The following OTUB2 variants were observed in gnomAD, a reference collection of about 807,000 sequenced individuals.
OTUB2 encodes the protein ubiquitin thioesterase OTUB2.
OTUB2 carries 21 observed loss-of-function variants against 25.1 expected under a neutral mutation model. The observed-to-expected ratio is 0.84, with a 90% CI of 0.59 to 1.21. The LOEUF (loss-of-function observed/expected upper bound fraction) is 1.21. Among genes scored for constraint, OTUB2 ranks in the 50% most tolerant of loss-of-function variants. The pLI, the probability that OTUB2 is intolerant of heterozygous loss-of-function variation, is 0.00. For missense variants in OTUB2, 283 were observed against 298.0 expected (o/e 0.95, Z 0.37); for synonymous variants, 122 against 122.8 (o/e 0.99, Z 0.04).
At chr14:94,042,816 C>T (rs1885188852) in intron 3 of OTUB2, among the ~76,000 whole-genome samples, 1 of 152,188 alleles carries the variant, frequency 6.6e-6, no homozygotes, top group Non-Finnish European at 1.5e-5. Context: ...TCCGTTCGCC[C>T]TCAGCACCCC....
intron 1 of OTUB2, among the ~76,000 whole-genome samples, chr14:94,034,372 C>A (rs7161250): frequency 6.6e-6 from 1 of 152,058 alleles, no homozygotes; most frequent in African/African-American, 2.4e-5. Flanking sequence ...GATAAGAAGG[C>A]CCTAGGCTGC....
At chr14:94,036,554 C>T (rs189682187) in intron 1 of OTUB2, among the ~76,000 whole-genome samples, 15 of 152,230 alleles carry the variant, frequency 9.9e-5, no homozygotes, top group Non-Finnish European at 1.9e-4. Flanking sequence ...ACCAGGCCCA[C>T]GGGGAGTTGG....
intron 2 of OTUB2, among the ~76,000 whole-genome samples, chr14:94,038,412 G>A (rs1219195527): frequency 1.3e-5 from 2 of 152,194 alleles, no homozygotes; most frequent in Non-Finnish European, 2.9e-5. Context: ...GGCTATGGGG[G>A]GAACAGGAAC....
chr14:94,031,362 G>A (rs997539999), intron 1 of OTUB2, among the ~76,000 whole-genome samples: 2 of 152,170 alleles, frequency 1.3e-5, no homozygotes, highest in African/African-American at 4.8e-5. Context: ...AGTCCATAGT[G>A]CTGGGCCCAT....
chr14:94,042,659 G>A (rs970575990), intron 3 of OTUB2, among the ~76,000 whole-genome samples: 2 of 152,184 alleles, frequency 1.3e-5, no homozygotes, highest in African/African-American at 4.8e-5. Context: ...AGCCGCAGCT[G>A]AAGACTGAAC....
At position 94,037,476 on chromosome 14, in the gene OTUB2, G is replaced by A. The variant is rs1419658025; in HGVS notation, c.99+1G>A. ...CAGGATTTACCGGAGGAAAATCGAG[G>A]TGAGGCAGAGGGCAGGGAGAAGAGC... On this transcript the variant is annotated splice_donor_variant, in intron 2 of 5. Coordinates refer to ENST00000203664, the MANE Select transcript of OTUB2 (RefSeq NM_023112.4). LOFTEE classifies it high-confidence loss of function. 7.0e-6 allele frequency: 11 copies of A among 1,580,072 alleles called. No homozygotes were observed. Among genetic ancestry groups the A allele is most frequent in the Admixed American group, 6.7e-5 (4 of 59,742 alleles).
At chr14:94,037,284 T>A in intron 1 of OTUB2, 96 bp from the exon 2 acceptor site, 1 of 757,388 alleles carries the variant, frequency 1.3e-6, no homozygotes. Flanking sequence ...TCATTCATTG[T>A]TGTCTGTAAC....
At chr14:94,039,859 C>T (rs903819276) in intron 3 of OTUB2, among the ~76,000 whole-genome samples, 3 of 152,124 alleles carry the variant, frequency 2.0e-5, no homozygotes, top group African/African-American at 4.8e-5. Context: ...ATCTGAGACC[C>T]GCACCGACAT....
At chr14:94,035,286 CTTTTTTTTT>C (rs761154708) in intron 1 of OTUB2, among the ~76,000 whole-genome samples, 1 of 104,036 alleles carries the variant, frequency 9.6e-6, no homozygotes, top group Non-Finnish European at 1.9e-5. Context: ...TTTTTCTTTT[CTTTTTTTTT>C]TTTTTTTTTT....
Position 94,026,514 on chromosome 14 carries a change from C to A in OTUB2, c.-24C>A, listed in dbSNP as rs988825000. 2 of 1,285,688 alleles carry A rather than the reference C, an allele frequency of 1.6e-6. No homozygotes were observed. Among genetic ancestry groups the A allele is most frequent in the Middle Eastern group, 3.0e-4 (1 of 3,378 alleles). 79.6% of individuals were successfully genotyped at this position (1,285,688 alleles called of 1,614,324 possible). ...CGGATCGCTCCTCGCTGGGGCGGGA[C>A]CTGGCCTGGCGGCTCTGGTCACTAT... On this transcript the variant is annotated 5_prime_UTR_variant, in exon 1 of 6. Coordinates refer to ENST00000203664, the MANE Select transcript of OTUB2 (RefSeq NM_023112.4).
chr14:94,044,539 G>A, intron 4 of OTUB2, 47 bp from the exon 5 acceptor site: 1 of 1,568,290 alleles, frequency 6.4e-7, no homozygotes, highest in Middle Eastern at 1.7e-4. Context: ...GCAGAGGGAG[G>A]GCTGGGGCTT....
Position 94,037,426 on chromosome 14 carries a change from C to A in OTUB2, c.50C>A (p.Ser17Tyr). Residue 17 changes from serine to tyrosine, a missense_variant, in exon 2 of 6, where the codon TCC becomes TAC. Physicochemically the swap from Ser to Tyr is moderately radical, Grantham distance 144 (BLOSUM62 -2). Coordinates refer to ENST00000203664, the MANE Select transcript of OTUB2 (RefSeq NM_023112.4). Reference sequence around the variant, plus strand: ...ATATCAGAAAAATGTGACATTCTATCCATTCTTCGGGACCATCCTGAAAAC... The same window carrying A: ...ATATCAGAAAAATGTGACATTCTATACATTCTTCGGGACCATCCTGAAAAC... ...NLISEKCDILSILRDHPENRI... is the reference protein window; with the variant it reads ...NLISEKCDILYILRDHPENRI... 1 of 1,606,556 alleles carries A rather than the reference C, an allele frequency of 6.2e-7. No individual in the cohort carries two copies. The highest frequency in any genetic ancestry group is 1.1e-5 in the South Asian group (1 of 90,830).
intron 1 of OTUB2, among the ~76,000 whole-genome samples, chr14:94,032,272 G>A (rs1376325801): frequency 2.6e-5 from 4 of 152,158 alleles, no homozygotes; most frequent in Non-Finnish European, 5.9e-5. Context: ...GCCCACCTGC[G>A]AGACATTTGT....
At chr14:94,039,410 A>C (rs1885117188) in intron 3 of OTUB2, 3 of 311,046 alleles carry the variant, frequency 9.6e-6, no homozygotes, top group South Asian at 5.3e-5. Context: ...AAACAAAAAG[A>C]AGCTTTGCCC....
chr14:94,044,155 G>A, intron 4 of OTUB2, 100 bp downstream of exon 4: 1 of 1,227,720 alleles, frequency 8.1e-7, no homozygotes. Context: ...CTCCTGGCTG[G>A]GGAAGGACAG....
Position 94,026,416 on chromosome 14 carries a change from C to T in OTUB2, c.-122C>T, listed in dbSNP as rs1391943935. Reference sequence around the variant, plus strand: ...AGCGGTCGGGTGTATTCTCCGCCGCCCCCACGCCCTCGAGGTCCCCGCCAC... The same window carrying T: ...AGCGGTCGGGTGTATTCTCCGCCGCTCCCACGCCCTCGAGGTCCCCGCCAC... On this transcript the variant is annotated 5_prime_UTR_variant, in exon 1 of 6. Coordinates refer to ENST00000203664, the MANE Select transcript of OTUB2 (RefSeq NM_023112.4). 3 of 1,288,180 alleles carry T rather than the reference C, an allele frequency of 2.3e-6. No homozygotes were observed. The highest frequency in any genetic ancestry group is 3.1e-5 in the East Asian group (1 of 31,904). The allele number at this position is 1,288,180 out of a possible 1,614,324, so 79.8% of individuals were successfully genotyped here. A position where few individuals can be genotyped will look rare whatever the true frequency, so the allele number is the denominator to read the frequency against.
chr14:94,041,294 G>A (rs552099988), intron 3 of OTUB2, among the ~76,000 whole-genome samples: 1 of 152,108 alleles, frequency 6.6e-6, no homozygotes, highest in Non-Finnish European at 1.5e-5. Context: ...TGTGTTTTGC[G>A]ATGCTGTCTG....
intron 5 of OTUB2, 149 bp from the exon 6 acceptor site, chr14:94,045,567 G>T: frequency 1.4e-6 from 1 of 711,296 alleles, no homozygotes; most frequent in Non-Finnish European, 2.3e-6. Context: ...TGTGGCATGA[G>T]AACGTCCATA....
At chr14:94,042,857 T>A (rs1246563399) in intron 3 of OTUB2, among the ~76,000 whole-genome samples, 1 of 152,140 alleles carries the variant, frequency 6.6e-6, no homozygotes, top group African/African-American at 2.4e-5. Flanking sequence ...CATCCACACT[T>A]GCGCCAAAGT....
Sources: allele counts gnomAD v4.1 joint callset (sites outside exome capture counted in the v4.1 genomes callset), GRCh38; gene constraint gnomAD v4.1.1; transcripts MANE v1.5; gene names NCBI Gene and HGNC (gene_info 2026-07-23, HGNC 2026-07-21).